SCNN1B: variants seen among roughly 807,000 people sequenced by gnomAD.
The protein encoded by SCNN1B is epithelial sodium channel subunit beta.
SCNN1B carries 46 observed loss-of-function variants against 65.3 expected under a neutral mutation model. The ratio of observed to expected loss-of-function variants is 0.70; its 90% confidence interval spans 0.56 to 0.90. The LOEUF is 0.90. Among genes scored for constraint, SCNN1B ranks in the 40% least tolerant of loss-of-function variants. The probability of loss-of-function intolerance (pLI) is 0.00; values close to 1 mark genes in which losing one functional copy is unlikely to be tolerated. For missense variants in SCNN1B, 751 were observed against 830.5 expected, an observed-to-expected ratio of 0.90 and a Z score of 1.18; for synonymous variants, 349 against 330.6, an observed-to-expected ratio of 1.06 and a Z score of -0.60.
At chr16:23,377,040 A>C (rs1262119782) in intron 8 of SCNN1B, 125 bp from the exon 9 acceptor site, 1 of 854,680 alleles carries the variant, frequency 1.2e-6, no homozygotes, top group Non-Finnish European at 1.9e-6. Flanking sequence ...TTTTCATGAC[A>C]CCTCCTCCTG....
chr16:23,324,527 T>C (rs1961653059), intron 1 of SCNN1B, among the ~76,000 whole-genome samples: 1 of 152,134 alleles, frequency 6.6e-6, no homozygotes. Context: ...AATAGGATCA[T>C]TCCTGTTTCT....
rs1596866688 is a variant in SCNN1B at position 23,355,432 on chromosome 16, A to C, written c.719A>C (p.Tyr240Ser). Reference protein sequence around the residue: ...VPQQELVEMSYPGEQMILACL... With the variant: ...VPQQELVEMSSPGEQMILACL... The stretch of plus-strand genomic sequence containing the variant: ...CAGCAGGAGCTAGTAGAGATGAGCT[A>C]CCCCGGCGAGCAGATGATCCTGGCC... The change falls in exon 4 of 13, where the codon TAC becomes TCC. Residue 240 changes from tyrosine (Y) to serine (S), a missense_variant. Physicochemically the swap from Tyr to Ser is moderately radical, Grantham distance 144. Transcript: ENST00000343070. 6.2e-7 allele frequency: 1 copy of C among 1,614,106 alleles called. No homozygotes were observed. The highest frequency in any genetic ancestry group is 2.2e-5 in the East Asian group (1 of 44,880).
At chr16:23,309,055 C>A (rs1277314828) in intron 1 of SCNN1B, among the ~76,000 whole-genome samples, 1 of 152,108 alleles carries the variant, frequency 6.6e-6, no homozygotes, top group Non-Finnish European at 1.5e-5. Flanking sequence ...AGAGTTCTGT[C>A]CTCAGCAAAG....
intron 2 of SCNN1B, among the ~76,000 whole-genome samples, chr16:23,288,311 TCTC>T (rs1485617988): frequency 6.6e-6 from 1 of 152,144 alleles, no homozygotes; most frequent in African/African-American, 2.4e-5. Context: ...TTCTTGACTC[TCTC>T]CTTTTAATTA....
At chr16:23,330,026 CAAA>C (rs201372944) in intron 1 of SCNN1B, among the ~76,000 whole-genome samples, 1 of 91,930 alleles carries the variant, frequency 1.1e-5, no homozygotes. Flanking sequence ...GACCCTGTCT[CAAA>C]AAAAAAAAAA....
intron 1 of SCNN1B, among the ~76,000 whole-genome samples, chr16:23,346,317 T>C (rs1962188618): frequency 7.3e-6 from 1 of 137,276 alleles, no homozygotes; most frequent in Non-Finnish European, 1.5e-5. Flanking sequence ...AACCTCCACC[T>C]CCCAGGCTAA....
At chr16:23,377,051 C>A in intron 8 of SCNN1B, 114 bp from the exon 9 acceptor site, 1 of 917,570 alleles carries the variant, frequency 1.1e-6, no homozygotes. Context: ...CCTCCTCCTG[C>A]CACCTAACCA....
rs1011673066 is a variant in SCNN1B, at chr16:23,327,762, A to G, written c.-8-20830A>G. 3.3e-5 allele frequency among the ~76,000 whole-genome samples: 5 copies of G among 152,222 alleles called. No homozygotes were observed. The East Asian group carries it at 9.6e-4, about 29-fold the overall frequency. On this transcript the variant is annotated intron_variant, in intron 1 of 12. Coordinates refer to ENST00000343070, the MANE Select transcript of SCNN1B (RefSeq NM_000336.3). ...TGTGGTGCTTGGCTAGCAGGTGAACAAGAAAATGACAAACCAGGAGCCCTT... is the reference window on the plus strand; with the variant it reads ...TGTGGTGCTTGGCTAGCAGGTGAACGAGAAAATGACAAACCAGGAGCCCTT...
intron 2 of SCNN1B, among the ~76,000 whole-genome samples, chr16:23,287,553 A>G (rs932394327): frequency 1.2e-4 from 19 of 152,174 alleles, no homozygotes; most frequent in African/African-American, 4.1e-4. Flanking sequence ...CACTACAAAC[A>G]GTAAAAAATA....
intron 1 of SCNN1B, among the ~76,000 whole-genome samples, chr16:23,330,954 G>T (rs1961798947): frequency 6.6e-6 from 1 of 152,166 alleles, no homozygotes; most frequent in Non-Finnish European, 1.5e-5. Context: ...GACCAGACAA[G>T]GTTTTCCAAG....
intron 10 of SCNN1B, among the ~76,000 whole-genome samples, chr16:23,377,765 TCCTCCTTTCTTCCTCCCTC>T (rs1962944143): frequency 1.0e-5 from 1 of 98,154 alleles, no homozygotes; most frequent in East Asian, 3.1e-4. Flanking sequence ...TTTCCTTCCT[TCCTCCTTTCTTCCTCCCTC>T]CCTTCCTTCT....
chr16:23,334,018 T>C (rs1961883895), intron 1 of SCNN1B, among the ~76,000 whole-genome samples: 1 of 152,154 alleles, frequency 6.6e-6, no homozygotes, highest in Non-Finnish European at 1.5e-5. Context: ...TTGCCTGCGA[T>C]GTGGATGGGA....
chr16:23,341,918 C>T (rs905002591), intron 1 of SCNN1B, among the ~76,000 whole-genome samples: 6 of 152,130 alleles, frequency 3.9e-5, no homozygotes, highest in Non-Finnish European at 8.8e-5. Context: ...AACAGTCTTG[C>T]AGTTCCTCAA....
intron 4 of SCNN1B, among the ~76,000 whole-genome samples, chr16:23,367,399 C>T (rs1439098805): frequency 6.6e-6 from 1 of 152,152 alleles, no homozygotes; most frequent in Admixed American, 6.6e-5. Flanking sequence ...TGGGCTCAAG[C>T]GTTCCTCCCA....
chr16:23,300,046 A>G (rs1364682925), upstream of SCNN1B, among the ~76,000 whole-genome samples: 1 of 152,224 alleles, frequency 6.6e-6, no homozygotes, highest in Admixed American at 6.5e-5. Flanking sequence ...TTGCAGGGAC[A>G]TGGATGAAGC....
intron 1 of SCNN1B, among the ~76,000 whole-genome samples, chr16:23,342,583 G>T (rs1962075661): frequency 6.6e-6 from 1 of 152,010 alleles, no homozygotes; most frequent in South Asian, 2.1e-4. Context: ...CCAATCTTTT[G>T]GCTTCCCTGG....
At position 23,322,052 on chromosome 16, in the gene SCNN1B, A is replaced by T. The variant is rs549194655; in HGVS notation, c.-9+19615A>T. Among the ~76,000 whole-genome samples the T allele has an allele frequency of 9.2e-5, 14 of 152,192 alleles. No individual in the cohort carries two copies. In the South Asian group the frequency reaches 2.5e-3, roughly 27 times the overall value. ...ATAATAATAATAGATATTAATTATG[A>T]TGATTTAGTTATGTAAACTGCCCCG... On this transcript the variant is annotated intron_variant, in intron 1 of 12. Transcript: ENST00000343070.
At chr16:23,305,575 TATTATA>T (rs1172021062) in intron 1 of SCNN1B, among the ~76,000 whole-genome samples, 811 of 29,624 alleles carry the variant, frequency 0.027, 62 homozygotes, top group African/African-American at 0.16. Context: ...TATATATATA[TATTATA>T]TATATATATA....
intron 4 of SCNN1B, chr16:23,359,259 G>A (rs1030511937): frequency 6.6e-6 from 1 of 152,112 alleles, no homozygotes. Context: ...TGCCCAGAGA[G>A]GTTAAGTAAC....
Sources: gnomAD v4.1 joint callset for allele counts (sites outside exome capture counted in the v4.1 genomes callset) on GRCh38, gnomAD v4.1.1 for gene constraint, MANE v1.5 for transcripts, NCBI Gene and HGNC (gene_info 2026-07-23, HGNC 2026-07-21) for gene names.